Variants in CPQ observed in about 807,000 individuals in gnomAD.
CPQ encodes carboxypeptidase Q.
CPQ carries 37 observed loss-of-function variants against 45.7 expected under a neutral mutation model. That is an observed-to-expected ratio of 0.81 (90% CI 0.62 to 1.07). The LOEUF is 1.07. Among genes scored for constraint, CPQ ranks in the 50% least tolerant of loss-of-function variants. CPQ has a pLI of 0.00. For missense variants in CPQ, 537 were observed against 572.9 expected, an observed-to-expected ratio of 0.94 and a Z score of 0.64; for synonymous variants, 186 against 205.8, an observed-to-expected ratio of 0.90 and a Z score of 0.82.
At chr8:96,897,920 G>A (rs1812465113) in intron 4 of CPQ, among the ~76,000 whole-genome samples, 1 of 152,164 alleles carries the variant, frequency 6.6e-6, no homozygotes, top group Non-Finnish European at 1.5e-5. Flanking sequence ...GAGGAGGTGT[G>A]ATTCTCCTTC....
At chr8:96,961,462 T>A (rs1813460260) in intron 4 of CPQ, among the ~76,000 whole-genome samples, 2 of 152,206 alleles carry the variant, frequency 1.3e-5, no homozygotes, top group Non-Finnish European at 2.9e-5. Context: ...TTGAGTTATA[T>A]ATATTGTAAA....
In CPQ at chr8:97,030,413, CAGTT is replaced by C. The variant is rs781659388; in HGVS notation, c.1053+922_1053+925del. ...TCAGTCTCTATTACCCTATTTCAGT[CAGTT>C]AGAGTATAATGAGTTCAAAGTCATG... On this transcript the variant is annotated intron_variant, in intron 6 of 7. Transcript: ENST00000220763. 2.1e-4 allele frequency among the ~76,000 whole-genome samples: 32 copies of C among 151,156 alleles called. No homozygotes were observed. In the East Asian group the frequency reaches 5.3e-3, roughly 25 times the overall value.
chr8:97,097,752 C>G (rs976820925), intron 7 of CPQ, among the ~76,000 whole-genome samples: 2 of 152,126 alleles, frequency 1.3e-5, no homozygotes, highest in South Asian at 2.1e-4. Flanking sequence ...GCCCTAAGGT[C>G]TCAGAGCCTT....
chr8:97,126,360 G>C (rs866986208), intron 7 of CPQ, among the ~76,000 whole-genome samples: 6 of 152,158 alleles, frequency 3.9e-5, no homozygotes, highest in Non-Finnish European at 8.8e-5. Context: ...AAGTCTTGAT[G>C]GTCTCTGTGC....
At chr8:96,758,975 T>A (rs958092648) in intron 1 of CPQ, among the ~76,000 whole-genome samples, 10 of 152,190 alleles carry the variant, frequency 6.6e-5, no homozygotes, top group African/African-American at 2.4e-4. Flanking sequence ...AGAAGTGAGC[T>A]CCTACTCCTG....
chr8:97,080,768 C>A (rs986928517), intron 7 of CPQ, among the ~76,000 whole-genome samples: 3 of 152,090 alleles, frequency 2.0e-5, no homozygotes, highest in South Asian at 2.1e-4. Flanking sequence ...TGTCTTAATT[C>A]TTTCCAGTTC....
intron 1 of CPQ, among the ~76,000 whole-genome samples, chr8:96,675,309 T>C (rs911402658): frequency 5.9e-5 from 9 of 152,136 alleles, no homozygotes; most frequent in African/African-American, 2.2e-4. Flanking sequence ...AGCTTTACAT[T>C]TTATTCTGCA....
At chr8:96,776,422 T>A (rs1810605646) in intron 1 of CPQ, among the ~76,000 whole-genome samples, 1 of 152,186 alleles carries the variant, frequency 6.6e-6, no homozygotes, top group Admixed American at 6.6e-5. Context: ...AAAGTAACTG[T>A]CACAATAAAA....
At chr8:96,780,423 G>A (rs578062986) in intron 1 of CPQ, among the ~76,000 whole-genome samples, 6 of 152,250 alleles carry the variant, frequency 3.9e-5, no homozygotes, top group South Asian at 2.1e-4. Context: ...GAGCCTGTGC[G>A]TTTGAAGAAC....
At chr8:97,096,538 G>A (rs749472189) in intron 7 of CPQ, among the ~76,000 whole-genome samples, 27 of 152,310 alleles carry the variant, frequency 1.8e-4, no homozygotes, top group Non-Finnish European at 2.6e-4. Flanking sequence ...AAGAGAGAAA[G>A]TTTAAACTGG....
chr8:96,780,098 T>C (rs1257912634), intron 1 of CPQ, among the ~76,000 whole-genome samples: 1 of 152,310 alleles, frequency 6.6e-6, no homozygotes, highest in African/African-American at 2.4e-5. Context: ...TAAAAATGTA[T>C]TGAGTGCCTG....
At chr8:96,801,468 A>G (rs1264655615) in intron 2 of CPQ, among the ~76,000 whole-genome samples, 2 of 152,154 alleles carry the variant, frequency 1.3e-5, no homozygotes, top group Non-Finnish European at 2.9e-5. Flanking sequence ...ATTTTATATA[A>G]TGTAAATACA....
intron 7 of CPQ, among the ~76,000 whole-genome samples, chr8:97,103,302 A>G (rs1466291066): frequency 6.6e-6 from 1 of 152,240 alleles, no homozygotes; most frequent in Non-Finnish European, 1.5e-5. Flanking sequence ...ATTATTCAAC[A>G]TCATTGAGAC....
intron 4 of CPQ, among the ~76,000 whole-genome samples, chr8:96,918,896 A>G (rs1586451422): frequency 1.3e-5 from 2 of 152,158 alleles, no homozygotes; most frequent in South Asian, 4.2e-4. Context: ...TTTCTAAAAA[A>G]CTTTCTGCTT....
At chr8:96,804,066 T>C (rs1233821824) in intron 2 of CPQ, among the ~76,000 whole-genome samples, 2 of 152,098 alleles carry the variant, frequency 1.3e-5, no homozygotes, top group Non-Finnish European at 2.9e-5. Flanking sequence ...GATGTGACAT[T>C]GAAGGATAAA....
chr8:96,858,282 G>A (rs2130865234), intron 3 of CPQ, among the ~76,000 whole-genome samples: 1 of 152,252 alleles, frequency 6.6e-6, no homozygotes, highest in South Asian at 2.1e-4. Context: ...CTCACTTTGA[G>A]TGTTTCTTTT....
Position 96,813,475 on chromosome 8 carries a change from A to G in CPQ, c.434-21498A>G, listed in dbSNP as rs1020458385. 2.0e-5 allele frequency among the ~76,000 whole-genome samples: 3 copies of G among 152,164 alleles called. No individual in the cohort carries two copies. In the South Asian group the frequency reaches 6.2e-4, roughly 31 times the overall value. ...TGACAATTCTTGACACCCTGCTGTTACTTTACTTATAGATCAGAACATATT... is the reference window on the plus strand; with the variant it reads ...TGACAATTCTTGACACCCTGCTGTTGCTTTACTTATAGATCAGAACATATT... On this transcript the variant is annotated intron_variant, in intron 2 of 7. Transcript: ENST00000220763.
intron 4 of CPQ, among the ~76,000 whole-genome samples, chr8:96,931,448 T>A (rs1383465792): frequency 3.9e-5 from 6 of 152,192 alleles, no homozygotes. Flanking sequence ...TTTTATATAG[T>A]CCCACACTTT....
intron 6 of CPQ, among the ~76,000 whole-genome samples, chr8:97,053,539 G>A (rs1810399715): frequency 1.3e-5 from 2 of 152,152 alleles, no homozygotes; most frequent in Non-Finnish European, 2.9e-5. Context: ...TGCTGCTGGA[G>A]GCCATGCTTG....
Sources: gnomAD v4.1 joint callset for allele counts (sites outside exome capture counted in the v4.1 genomes callset) on GRCh38, gnomAD v4.1.1 for gene constraint, MANE v1.5 for transcripts, NCBI Gene and HGNC (gene_info 2026-07-23, HGNC 2026-07-21) for gene names.